The following ZFHX3 variants were observed in gnomAD, a reference collection of about 807,000 sequenced individuals.
The protein encoded by ZFHX3 is zinc finger homeobox 3.
In ZFHX3, 42 loss-of-function variants were observed where a neutral mutation model predicts 279.1. The ratio of observed to expected loss-of-function variants is 0.15; its 90% CI spans 0.12 to 0.19. The LOEUF (loss-of-function observed/expected upper bound fraction) is 0.19, where lower values mean the gene tolerates loss of function less well. ZFHX3 is among the 10% of genes least tolerant of loss of function. The pLI, the probability that ZFHX3 is intolerant of heterozygous loss-of-function variation, is 1.00. For synonymous variants in ZFHX3, 2,293 were observed against 1,957.8 expected (o/e 1.17, Z -4.52); for missense variants, 4,981 against 4,754.0 (o/e 1.05, Z -1.40).
chr16:73,494,728 T>TC (rs1169525040), intron 2 of ZFHX3, among the ~76,000 whole-genome samples: 1 of 61,092 alleles, frequency 1.6e-5, no homozygotes, highest in African/African-American at 9.6e-5. Context: ...ACCGGCTAAT[T>TC]TTTTTTTTTT....
At chr16:72,951,377 C>T (rs1960992899) in intron 2 of ZFHX3, among the ~76,000 whole-genome samples, 1 of 152,122 alleles carries the variant, frequency 6.6e-6, no homozygotes. Context: ...TCTCCTGCCT[C>T]AGCCTCCCAA....
chr16:73,134,311 C>A (rs1040076244), intron 6 of ZFHX3, among the ~76,000 whole-genome samples: 1 of 145,180 alleles, frequency 6.9e-6, no homozygotes, highest in South Asian at 2.2e-4. Flanking sequence ...TAGTGACCTT[C>A]CGTGTTAGTC....
intron 7 of ZFHX3, among the ~76,000 whole-genome samples, chr16:72,800,829 C>T (rs1248943366): frequency 1.3e-5 from 2 of 152,144 alleles, no homozygotes; most frequent in South Asian, 2.1e-4. Context: ...AACGTCCCAG[C>T]GATAGAGGGT....
At chr16:73,783,060 T>C (rs1567409162) in intron 1 of ZFHX3, among the ~76,000 whole-genome samples, 1 of 152,078 alleles carries the variant, frequency 6.6e-6, no homozygotes, top group Non-Finnish European at 1.5e-5. Context: ...GGCACTGAAA[T>C]GGAGGCCATG....
intron 5 of ZFHX3, among the ~76,000 whole-genome samples, chr16:72,819,029 C>G (rs1035539964): frequency 6.6e-6 from 1 of 152,166 alleles, no homozygotes; most frequent in African/African-American, 2.4e-5. Context: ...AATCCAGCAG[C>G]TCTTAGTTGT....
rs531481867 is a variant in ZFHX3 at position 73,155,955 on chromosome 16, G to A, written c.-1103-12124C>T. Among the ~76,000 whole-genome samples the A allele has an allele frequency of 2.4e-3, 365 of 152,084 alleles. 2 individuals are homozygous for A. Among genetic ancestry groups the A allele is most frequent in the African/African-American group, 8.0e-3 (333 of 41,476 alleles). On this transcript the variant is annotated intron_variant, in intron 5 of 17. Coordinates refer to the ZFHX3 transcript ENST00000641206. ...ATGTAAGAATATATATAAAGTGGTC[G>A]GGTGTGGTAGCTCACGCCTGTAATC...
At chr16:73,527,452 C>A (rs571050676) in intron 2 of ZFHX3, among the ~76,000 whole-genome samples, 3 of 152,294 alleles carry the variant, frequency 2.0e-5, no homozygotes, top group South Asian at 4.1e-4. Context: ...CTCTGAGAGC[C>A]TTGGGGACCT....
chr16:72,889,602 G>A (rs2038719193), intron 4 of ZFHX3, 129 bp downstream of exon 4: 2 of 824,352 alleles, frequency 2.4e-6, no homozygotes, highest in South Asian at 1.8e-5. Context: ...GCTCACCTGT[G>A]AAGTCAGTAA....
intron 1 of ZFHX3, among the ~76,000 whole-genome samples, chr16:73,038,734 C>G (rs1211273848): frequency 2.6e-5 from 4 of 152,040 alleles, no homozygotes; most frequent in Non-Finnish European, 4.4e-5. Context: ...GTTACCACCT[C>G]AAGTGCTAGC....
At chr16:72,899,047 C>T (rs1437634721) in intron 3 of ZFHX3, among the ~76,000 whole-genome samples, 1 of 152,180 alleles carries the variant, frequency 6.6e-6, no homozygotes, top group African/African-American at 2.4e-5. Flanking sequence ...CAGAATCTGA[C>T]AATCACCTCT....
chr16:73,822,132 G>T lies in ZFHX3; in HGVS notation c.-1608+69519C>A, dbSNP rs179183. On this transcript the variant is annotated intron_variant, in intron 1 of 17. Transcript: ENST00000641206. ...AGTACAATAAAAAGTCACCAGAATCGTCAAGCTGGATCCAATGCCAGCCCA... is the reference window on the plus strand; with the variant it reads ...AGTACAATAAAAAGTCACCAGAATCTTCAAGCTGGATCCAATGCCAGCCCA... Among the ~76,000 whole-genome samples, 40 of 152,228 alleles carry T rather than the reference G, an allele frequency of 2.6e-4. No individual in the cohort carries two copies. The South Asian group carries it at 8.1e-3, about 31-fold the overall frequency.
chr16:73,457,276 G>A (rs2018388793), intron 2 of ZFHX3, among the ~76,000 whole-genome samples: 1 of 152,204 alleles, frequency 6.6e-6, no homozygotes, highest in South Asian at 2.1e-4. Flanking sequence ...CCCCATGAAA[G>A]AGAAAATGCT....
intron 1 of ZFHX3, among the ~76,000 whole-genome samples, chr16:73,035,383 A>C (rs974290050): frequency 2.0e-5 from 3 of 152,118 alleles, no homozygotes; most frequent in African/African-American, 7.2e-5. Flanking sequence ...TCAACTTCAG[A>C]TTCAGGCGGG....
At position 73,183,287 on chromosome 16, in the gene ZFHX3, G is replaced by A. The variant is rs548362411; in HGVS notation, c.-1103-39456C>T. Among the ~76,000 whole-genome samples the A allele has an allele frequency of 3.8e-3, 581 of 152,284 alleles. 3 individuals carry two copies. The highest frequency in any genetic ancestry group is 6.2e-3 in the Non-Finnish European group (420 of 68,016). On this transcript the variant is annotated intron_variant, in intron 5 of 17. Coordinates refer to the ZFHX3 transcript ENST00000641206. The stretch of plus-strand genomic sequence containing the variant: ...ACACTAAAAGCCAGACTTCATCACT[G>A]TGTGATATATGCATGTAGGAAGCCT...
rs147893290 is a variant in ZFHX3, at chr16:73,445,537, C to A, written c.-1291+10466G>T. ...TTCCAAATGGAACTATCTGAGCAGC[C>A]CTGAGAAGATCTTCCTGCCTCCCAG... On this transcript the variant is annotated intron_variant, in intron 3 of 17. Transcript: ENST00000641206. 2.6e-5 allele frequency among the ~76,000 whole-genome samples: 4 copies of A among 152,146 alleles called. No individual in the cohort carries two copies. In the East Asian group the frequency reaches 7.7e-4, roughly 29 times the overall value.
chr16:72,972,994 C>T (rs191214950), intron 1 of ZFHX3, among the ~76,000 whole-genome samples: 2 of 152,370 alleles, frequency 1.3e-5, no homozygotes, highest in Admixed American at 1.3e-4. Flanking sequence ...CTGCTCTTAA[C>T]TCTGTACATC....
At chr16:72,849,459 C>G (rs1046686308) in intron 4 of ZFHX3, among the ~76,000 whole-genome samples, 6 of 151,980 alleles carry the variant, frequency 3.9e-5, no homozygotes, top group African/African-American at 1.4e-4. Flanking sequence ...GAAGATGAGG[C>G]CACGATCCTG....
chr16:73,870,953 C>A (rs953349424), intron 1 of ZFHX3, among the ~76,000 whole-genome samples: 1 of 152,146 alleles, frequency 6.6e-6, no homozygotes, highest in Non-Finnish European at 1.5e-5. Flanking sequence ...TTTGCATTGA[C>A]TCAACAATTC....
chr16:73,066,310 C>CTCGT, intron 8 of ZFHX3, among the ~76,000 whole-genome samples: 1 of 152,322 alleles, frequency 6.6e-6, no homozygotes, highest in East Asian at 1.9e-4. Flanking sequence ...CTCCCCGCCT[C>CTCGT]TCGTTCCCAA....
Sources: gnomAD v4.1 joint callset for allele counts (sites outside exome capture counted in the v4.1 genomes callset) on GRCh38, gnomAD v4.1.1 for gene constraint, MANE v1.5 for transcripts, NCBI Gene and HGNC (gene_info 2026-07-23, HGNC 2026-07-21) for gene names.